The following DNAJC21 variants were observed in gnomAD, a reference collection of about 807,000 sequenced individuals.
DNAJC21 encodes the protein dnaJ homolog subfamily C member 21.
In DNAJC21, 63 loss-of-function variants were observed where a neutral mutation model predicts 72.4. The observed-to-expected ratio is 0.87, with a 90% CI of 0.71 to 1.07. The LOEUF (loss-of-function observed/expected upper bound fraction) is 1.07, where lower values mean the gene tolerates loss of function less well. Ranked by LOEUF, DNAJC21 falls within the 50% of genes least tolerant of loss-of-function variation. DNAJC21 has a pLI of 0.00. For synonymous variants in DNAJC21, 203 were observed against 216.7 expected, an observed-to-expected ratio of 0.94 and a Z score of 0.56; for missense variants, 634 against 644.8, an observed-to-expected ratio of 0.98 and a Z score of 0.18.
chr5:34,949,626 A>G lies in DNAJC21; in HGVS notation c.1186-544A>G, dbSNP rs778352378. On this transcript the variant is annotated intron_variant, in intron 9 of 11. Transcript: ENST00000648817. ...AAAAGTGTGTGTTGGGAGAGAGAAG[A>G]GATGGAGAGAGCGAGCACAAATGTG... is the stretch of plus-strand genomic sequence containing the variant. 5.6e-6 allele frequency: 9 copies of G among 1,608,004 alleles called. No individual in the cohort carries two copies. The South Asian group carries it at 8.9e-5, about 16-fold the overall frequency.
intron 4 of DNAJC21, among the ~76,000 whole-genome samples, chr5:34,936,610 C>A (rs1561182459): frequency 2.0e-5 from 3 of 152,184 alleles, no homozygotes; most frequent in South Asian, 2.1e-4. Context: ...CTCCCAGCTT[C>A]TCATTTCCTT....
At position 34,941,199 on chromosome 5, in the gene DNAJC21, T is replaced by A. The variant is rs1228704499; in HGVS notation, c.983+16T>A. The A allele has an allele frequency of 7.5e-6, 12 of 1,605,464 alleles. No homozygotes were observed. The highest frequency in any genetic ancestry group is 5.0e-5 in the Admixed American group (3 of 59,918). On this transcript the variant is annotated intron_variant, in intron 7 of 11. Transcript: ENST00000648817. The stretch of plus-strand genomic sequence containing the variant: ...CAGAAAAGGCGTAAGTTTATTAATT[T>A]AATTTAATTTAATTTTGAGACAGGG...
chr5:34,951,578 A>C, intron 10 of DNAJC21: 3 of 976,438 alleles, frequency 3.1e-6, no homozygotes, highest in Non-Finnish European at 3.6e-6. Context: ...CCCAGGCTGG[A>C]GTACAGTGGC....
At chr5:34,937,824 G>A (rs1764844634) in intron 5 of DNAJC21, among the ~76,000 whole-genome samples, 194 bp downstream of exon 5, 1 of 151,994 alleles carries the variant, frequency 6.6e-6, no homozygotes, top group African/African-American at 2.4e-5. Context: ...TTGGGACAGT[G>A]TCATTCTGTC....
At chr5:34,950,494 T>TGTATACAGATGAAGAGC (rs1765327688) in intron 10 of DNAJC21, 152 bp downstream of exon 10, 1 of 1,337,526 alleles carries the variant, frequency 7.5e-7, no homozygotes, top group East Asian at 2.8e-5. Flanking sequence ...CACACACATA[T>TGTATACAGATGAAGAGC]GTATACAGAT....
At chr5:34,949,646 A>C in intron 9 of DNAJC21, 1 of 1,613,264 alleles carries the variant, frequency 6.2e-7, no homozygotes, top group South Asian at 1.1e-5. Context: ...AGCGAGCACA[A>C]ATGTGCCAAA....
At chr5:34,946,235 T>C (rs980703623) in intron 9 of DNAJC21, among the ~76,000 whole-genome samples, 7 of 152,186 alleles carry the variant, frequency 4.6e-5, no homozygotes, top group African/African-American at 1.7e-4. Flanking sequence ...AAACTTGTAA[T>C]GATTGTGAGT....
At chr5:34,950,107 A>C in intron 9 of DNAJC21, 63 bp from the exon 10 acceptor site, 1 of 1,501,604 alleles carries the variant, frequency 6.7e-7, no homozygotes, top group Non-Finnish European at 8.9e-7. Flanking sequence ...TGGCAACATA[A>C]CATAAAAAGC....
intron 10 of DNAJC21, among the ~76,000 whole-genome samples, chr5:34,953,229 G>T (rs1765434739): frequency 6.6e-6 from 1 of 151,870 alleles, no homozygotes; most frequent in Non-Finnish European, 1.5e-5. Context: ...TTTGAAGATG[G>T]TTTGCTCCTT....
Position 34,937,404 on chromosome 5 carries a change from C to T in DNAJC21, c.517C>T (p.Arg173Ter), listed in dbSNP as rs150576702. ...TGCATGGAAGGAAGAATATGATACACGACAGGCTTCAAACCGCTGGGAAAA... is the reference window on the plus strand; with the variant it reads ...TGCATGGAAGGAAGAATATGATACATGACAGGCTTCAAACCGCTGGGAAAA... ...NFAWKEEYDT[R>*]QASNRWEKRA... The change falls in exon 5 of 12, where the codon CGA becomes TGA. Residue 173 changes from arginine to a stop codon, truncating the protein, a stop_gained. Coordinates refer to ENST00000648817, the MANE Select transcript of DNAJC21 (RefSeq NM_001012339.3). LOFTEE classifies it high-confidence loss of function. 35 of 1,613,908 alleles carry T rather than the reference C, an allele frequency of 2.2e-5. No homozygotes were observed. The highest frequency in any genetic ancestry group is 4.5e-5 in the East Asian group (2 of 44,898).
rs1201574077 is a variant in DNAJC21 at position 34,955,181 on chromosome 5, T to C, written c.*467T>C. 6.6e-6 allele frequency: 1 copy of C among 152,400 alleles called. No individual in the cohort carries two copies. The highest frequency in any genetic ancestry group is 1.9e-4 in the East Asian group (1 of 5,206). The allele number at this position is 152,400 out of a possible 1,614,324, so 9.4% of individuals were successfully genotyped here. ...TTCCATATGACACTGGTTCCGATTTTAAAAATTATTTTTAAATAACCGATT... is the reference window on the plus strand; with the variant it reads ...TTCCATATGACACTGGTTCCGATTTCAAAAATTATTTTTAAATAACCGATT... On this transcript the variant is annotated 3_prime_UTR_variant, in exon 12 of 12. Transcript: ENST00000648817.
intron 2 of DNAJC21, among the ~76,000 whole-genome samples, chr5:34,934,904 C>G (rs1482958462): frequency 2.6e-5 from 4 of 152,224 alleles, no homozygotes; most frequent in Non-Finnish European, 2.9e-5. Flanking sequence ...CATTTCTCTA[C>G]TCAAGGAATT....
chr5:34,934,868 A>G (rs919228671), intron 2 of DNAJC21, among the ~76,000 whole-genome samples: 1 of 152,236 alleles, frequency 6.6e-6, no homozygotes, highest in Non-Finnish European at 1.5e-5. Context: ...TGTGTTTCAT[A>G]AGAAACTCAG....
Position 34,956,664 on chromosome 5 carries a change from CT to C in DNAJC21, c.*1951del, listed in dbSNP as rs1461733872. 4 of 152,204 alleles carry C rather than the reference CT, an allele frequency of 2.6e-5. No individual in the cohort carries two copies. Among genetic ancestry groups the C allele is most frequent in the Non-Finnish European group, 5.9e-5 (4 of 68,034 alleles). 9.4% of individuals were successfully genotyped at this position (152,204 alleles called of 1,614,324 possible). On this transcript the variant is annotated 3_prime_UTR_variant, in exon 12 of 12. Transcript: ENST00000648817. ...AATGTCCCTATGACTTCTTTGCTTT[CT>C]CTTATACCAAACATGCAGGTATTTA...
Position 34,941,093 on chromosome 5 carries a change from T to C in DNAJC21, c.896-3T>C, listed in dbSNP as rs766054059. On this transcript the variant is annotated splice_polypyrimidine_tract_variant and splice_region_variant and intron_variant, in intron 6 of 11. Transcript: ENST00000648817. ...GTTCTTACTGTAGGCTTCCCTGTCATAGGTAAAGACAGTGATGAGGCCGAG... is the reference window on the plus strand; with the variant it reads ...GTTCTTACTGTAGGCTTCCCTGTCACAGGTAAAGACAGTGATGAGGCCGAG... 6 of 1,612,862 alleles carry C rather than the reference T, an allele frequency of 3.7e-6. No individual in the cohort carries two copies. Among genetic ancestry groups the C allele is most frequent in the South Asian group, 1.1e-5 (1 of 90,868 alleles).
intron 3 of DNAJC21, 128 bp downstream of exon 3, chr5:34,935,961 A>G (rs1764756926): frequency 2.1e-6 from 3 of 1,422,880 alleles, no homozygotes; most frequent in East Asian, 2.4e-5. Flanking sequence ...CTGAAGATGC[A>G]TTGCCTTCAT....
Position 34,953,975 on chromosome 5 carries a change from A to G in DNAJC21, c.1408A>G (p.Arg470Gly), listed in dbSNP as rs1241763921. 1.2e-6 allele frequency: 2 copies of G among 1,612,072 alleles called. No homozygotes were observed. The highest frequency in any genetic ancestry group is 2.7e-5 in the African/African-American group (2 of 74,852). Residue 470 changes from arginine (R) to glycine (G), a missense_variant, in exon 11 of 12, where the codon AGA becomes GGA. Arg to Gly is a moderately radical substitution (Grantham distance 125, BLOSUM62 -2). Coordinates refer to ENST00000648817, the MANE Select transcript of DNAJC21 (RefSeq NM_001012339.3). ...AACCAAAGATATGAAAAAACCTGTC[A>G]GAGTACCTGCTGAACCACAAACAAT... ...KKTKDMKKPV[R>G]VPAEPQTMSV... is the part of the protein sequence containing the mutation.
At chr5:34,950,108 CAT>C (rs1765310574) in intron 9 of DNAJC21, 60 bp from the exon 10 acceptor site, 1 of 1,499,650 alleles carries the variant, frequency 6.7e-7, no homozygotes, top group African/African-American at 1.4e-5. Flanking sequence ...GGCAACATAA[CAT>C]AAAAAGCTAG....
chr5:34,939,856 C>G (rs917295382), intron 6 of DNAJC21, among the ~76,000 whole-genome samples: 2 of 152,104 alleles, frequency 1.3e-5, no homozygotes, highest in Non-Finnish European at 2.9e-5. Context: ...CCAGTTTTAC[C>G]TTATCTACAA....
Sources: allele counts gnomAD v4.1 joint callset (sites outside exome capture counted in the v4.1 genomes callset), GRCh38; gene constraint gnomAD v4.1.1; transcripts MANE v1.5; gene names NCBI Gene and HGNC (gene_info 2026-07-23, HGNC 2026-07-21).